THADA: variants seen among roughly 807,000 people sequenced by gnomAD.
The protein encoded by THADA is tRNA (32-2'-O)-methyltransferase regulator THADA.
In THADA, 213 loss-of-function variants were observed where a neutral mutation model predicts 219.8. The ratio of observed to expected loss-of-function variants is 0.97; its 90% CI spans 0.87 to 1.09. The LOEUF (loss-of-function observed/expected upper bound fraction) is 1.09. Ranked by LOEUF, THADA falls within the 50% of genes least tolerant of loss-of-function variation. The pLI is 0.00. For synonymous variants in THADA, 1,018 were observed against 828.9 expected, an observed-to-expected ratio of 1.23 and a Z score of -3.92; for missense variants, 2,956 against 2,311.3, an observed-to-expected ratio of 1.28 and a Z score of -5.72.
chr2:43,497,534 T>TG (rs1405148984), intron 25 of THADA, among the ~76,000 whole-genome samples: 1 of 152,000 alleles, frequency 6.6e-6, no homozygotes, highest in African/African-American at 2.4e-5. Flanking sequence ...CAGGGCCTGT[T>TG]GGAGTCAGGA....
rs115007482 is a variant in THADA at position 43,369,947 on chromosome 2, G to T, written c.4228-25710C>A. On this transcript the variant is annotated intron_variant, in intron 29 of 37. Transcript: ENST00000405975. ...TGTTTCTACTTCAGGTTTGTTGGTT[G>T]TGTCTCCCCAACCATGCTGTAAGAT... Among the ~76,000 whole-genome samples the T allele has an allele frequency of 4.3e-3, 661 of 152,300 alleles. 4 individuals carry two copies. Among genetic ancestry groups the T allele is most frequent in the African/African-American group, 0.015 (608 of 41,568 alleles).
chr2:43,574,870 G>T lies in THADA; in HGVS notation c.1195C>A (p.His399Asn). The change falls in exon 11 of 38, where the codon CAT becomes AAT. Residue 399 changes from histidine to asparagine, a missense_variant. Transcript: ENST00000405975. ...AGAGCATCCAATGGATGTTCCCAAT[G>T]GGTATAGACATATTCCAAAAGTCTC... ...VGRLLEYVYT[H>N]WEHPLDALRH... 1.2e-6 allele frequency: 2 copies of T among 1,613,982 alleles called. No individual in the cohort carries two copies. Among genetic ancestry groups the T allele is most frequent in the African/African-American group, 1.3e-5 (1 of 75,014 alleles).
intron 28 of THADA, among the ~76,000 whole-genome samples, chr2:43,400,476 T>TATATATATATATAA (rs903186497): frequency 2.1e-4 from 31 of 144,458 alleles, no homozygotes; most frequent in African/African-American, 7.9e-4. Context: ...TATATATATA[T>TATATATATATATAA]AAATATATAC....
intron 26 of THADA, among the ~76,000 whole-genome samples, chr2:43,478,806 T>C (rs1260064689): frequency 6.6e-6 from 1 of 152,210 alleles, no homozygotes; most frequent in Non-Finnish European, 1.5e-5. Flanking sequence ...GAAGAACTTC[T>C]TTTCAGTTAA....
intron 36 of THADA, 148 bp downstream of exon 36, chr2:43,279,617 G>A: frequency 3.0e-6 from 3 of 1,015,100 alleles, no homozygotes; most frequent in Non-Finnish European, 4.1e-6. Flanking sequence ...TTTACCTACT[G>A]TTTGTGGCTT....
Position 43,345,823 on chromosome 2 carries a change from C to T in THADA, c.4228-1586G>A, listed in dbSNP as rs138685135. Among the ~76,000 whole-genome samples, 95 of 152,262 alleles carry T rather than the reference C, an allele frequency of 6.2e-4. 1 individual carries two copies. Among genetic ancestry groups the T allele is most frequent in the African/African-American group, 2.3e-3 (94 of 41,570 alleles). ...ACTTCGGAATTTACTTGTAAAGAAA[C>T]CTGTGAGATTTTCAAATGCTTCTCA... On this transcript the variant is annotated intron_variant, in intron 29 of 37. Coordinates refer to ENST00000405975, the MANE Select transcript of THADA (RefSeq NM_022065.5).
At chr2:43,541,941 TC>T (rs1278873739) in intron 20 of THADA, among the ~76,000 whole-genome samples, 1 of 152,182 alleles carries the variant, frequency 6.6e-6, no homozygotes, top group Non-Finnish European at 1.5e-5. Context: ...ATAAATACAC[TC>T]CTTATTTATT....
intron 31 of THADA, among the ~76,000 whole-genome samples, chr2:43,310,388 T>C (rs938928222): frequency 6.6e-6 from 1 of 152,112 alleles, no homozygotes; most frequent in African/African-American, 2.4e-5. Context: ...GGCATAAGGA[T>C]AGATACATAG....
intron 24 of THADA, among the ~76,000 whole-genome samples, chr2:43,504,384 C>T (rs1010403051): frequency 4.0e-4 from 61 of 152,270 alleles, no homozygotes; most frequent in African/African-American, 1.3e-3. Flanking sequence ...CCCATGGGCT[C>T]CCTTTATCTA....
chr2:43,402,762 T>C (rs996042466), intron 28 of THADA, among the ~76,000 whole-genome samples: 4 of 152,128 alleles, frequency 2.6e-5, no homozygotes, highest in Non-Finnish European at 4.4e-5. Context: ...TCTCAGGCCA[T>C]GAGAAGTAAA....
intron 29 of THADA, chr2:43,371,824 A>G (rs1670836945): frequency 6.6e-6 from 1 of 151,568 alleles, no homozygotes; most frequent in South Asian, 2.1e-4. Context: ...AGGGTCCGCT[A>G]TTTCCCTTTT....
intron 22 of THADA, among the ~76,000 whole-genome samples, chr2:43,527,080 C>T (rs1443071566): frequency 6.6e-6 from 1 of 151,998 alleles, no homozygotes; most frequent in Non-Finnish European, 1.5e-5. Flanking sequence ...ATGTTTTTAC[C>T]AGGCATGTGA....
intron 12 of THADA, 104 bp downstream of exon 12, chr2:43,572,710 A>T: frequency 1.0e-6 from 1 of 953,570 alleles, no homozygotes; most frequent in Middle Eastern, 2.6e-4. Flanking sequence ...CTCTTTATGA[A>T]CTCCCTAAAA....
chr2:43,487,577 A>G (rs1687066381), intron 25 of THADA, among the ~76,000 whole-genome samples: 1 of 152,214 alleles, frequency 6.6e-6, no homozygotes, highest in East Asian at 1.9e-4. Context: ...TATGGTCTGA[A>G]TATTTGTGTT....
chr2:43,280,393 G>C (rs551590537), intron 35 of THADA, among the ~76,000 whole-genome samples: 8 of 152,266 alleles, frequency 5.3e-5, no homozygotes, highest in African/African-American at 1.9e-4. Context: ...CAGCACTTTG[G>C]GAGGACGAGG....
intron 29 of THADA, among the ~76,000 whole-genome samples, chr2:43,391,600 T>G (rs987420236): frequency 8.5e-5 from 13 of 152,130 alleles, no homozygotes; most frequent in Non-Finnish European, 1.9e-4. Context: ...AGTCCTTTCT[T>G]TAGTTTTTTT....
intron 26 of THADA, among the ~76,000 whole-genome samples, chr2:43,480,073 G>A (rs913399492): frequency 2.0e-5 from 3 of 152,186 alleles, no homozygotes; most frequent in African/African-American, 7.2e-5. Context: ...TGCCCATGAG[G>A]GAATCCGTTG....
At chr2:43,499,592 G>C (rs774356106) in intron 24 of THADA, among the ~76,000 whole-genome samples, 1 of 152,080 alleles carries the variant, frequency 6.6e-6, no homozygotes, top group African/African-American at 2.4e-5. Context: ...GGCCAGGCTG[G>C]TCTTGAACTC....
chr2:43,435,469 G>T (rs1380022713), intron 26 of THADA, among the ~76,000 whole-genome samples: 1 of 138,676 alleles, frequency 7.2e-6, no homozygotes, highest in Non-Finnish European at 1.6e-5. Flanking sequence ...AGGGAGGAAG[G>T]AAGGGAGGGA....
Sources: gnomAD v4.1 joint callset for allele counts (sites outside exome capture counted in the v4.1 genomes callset) on GRCh38, gnomAD v4.1.1 for gene constraint, MANE v1.5 for transcripts, NCBI Gene and HGNC (gene_info 2026-07-23, HGNC 2026-07-21) for gene names.